The following OR2L13 variants were observed in gnomAD, a reference collection of about 807,000 sequenced individuals.
OR2L13 encodes the protein olfactory receptor family 2 subfamily L member 13.
In OR2L13, 14 loss-of-function variants were observed where a neutral mutation model predicts 15.3. That is an observed-to-expected ratio of 0.91 (90% confidence interval 0.60 to 1.43). The LOEUF is 1.43. Ranked by LOEUF, OR2L13 falls within the 40% of genes most tolerant of loss-of-function variation. OR2L13 has a pLI of 0.00. For synonymous variants in OR2L13, 152 were observed against 142.9 expected (o/e 1.06, Z -0.45); for missense variants, 367 against 387.9 (o/e 0.95, Z 0.45).
chr1:247,978,283 C>T, the OR2L13 span, among the ~76,000 whole-genome samples: 1 of 152,152 alleles, frequency 6.6e-6, no homozygotes, highest in Non-Finnish European at 1.5e-5. Context: ...TTCTCTGCTG[C>T]AACTCCCACT....
the OR2L13 span, among the ~76,000 whole-genome samples, chr1:247,988,679 C>G: frequency 6.6e-6 from 1 of 152,002 alleles, no homozygotes; most frequent in African/African-American, 2.4e-5. Context: ...AGCCTAAAGA[C>G]TTCAGTCCTT....
At chr1:248,099,485 C>G in exon 3 of OR2L13, 1 of 1,613,706 alleles carries the variant, frequency 6.2e-7, no homozygotes, top group Non-Finnish European at 8.5e-7. Flanking sequence ...TTCTTTCTGG[C>G]CTCGGTGGGT....
chr1:248,081,553 G>C, the OR2L13 span, among the ~76,000 whole-genome samples: 1 of 152,102 alleles, frequency 6.6e-6, no homozygotes. Context: ...TATGAGTAAT[G>C]AAATTTCCGC....
At chr1:248,021,208 A>G in the OR2L13 span, among the ~76,000 whole-genome samples, 1 of 152,154 alleles carries the variant, frequency 6.6e-6, no homozygotes, top group Admixed American at 6.5e-5. Flanking sequence ...TTTTTCCTAT[A>G]AATGTATATA....
chr1:248,001,209 A>G, the OR2L13 span, among the ~76,000 whole-genome samples: 225 of 152,238 alleles, frequency 1.5e-3, 1 homozygote, highest in Non-Finnish European at 2.6e-3. Flanking sequence ...GGCGATACCA[A>G]TCTGAAGAGT....
chr1:248,100,366 C>A, exon 3 of OR2L13: 2 of 1,056,764 alleles, frequency 1.9e-6, no homozygotes, highest in Non-Finnish European at 2.8e-6. Context: ...TTGATTCCAA[C>A]ACGCTAGAGC....
chr1:247,990,524 A>G, the OR2L13 span: 5 of 1,574,910 alleles, frequency 3.2e-6, no homozygotes, highest in East Asian at 2.2e-5. Context: ...ATTTTTCTGT[A>G]TGGAAACAAG....
chr1:247,948,008 G>T, the OR2L13 span, among the ~76,000 whole-genome samples: 2 of 152,168 alleles, frequency 1.3e-5, no homozygotes, highest in Admixed American at 6.5e-5. Flanking sequence ...TGAGGCCGAG[G>T]GTTCAAAACC....
At chr1:247,960,529 C>T in the OR2L13 span, among the ~76,000 whole-genome samples, 2 of 152,280 alleles carry the variant, frequency 1.3e-5, no homozygotes, top group Admixed American at 1.3e-4. Flanking sequence ...GTATGCCCTG[C>T]CCCCAGAGGT....
the OR2L13 span, among the ~76,000 whole-genome samples, chr1:247,972,120 G>A: frequency 6.6e-6 from 1 of 152,186 alleles, no homozygotes; most frequent in Non-Finnish European, 1.5e-5. Flanking sequence ...AGCTAAAGCG[G>A]TGTTTAGAGG....
chr1:248,003,922 G>A, the OR2L13 span: 4 of 1,613,076 alleles, frequency 2.5e-6, no homozygotes, highest in African/African-American at 4.0e-5. Flanking sequence ...CAAGATCCCT[G>A]TAATCTCCAA....
At chr1:248,047,984 T>C in the OR2L13 span, among the ~76,000 whole-genome samples, 1 of 152,220 alleles carries the variant, frequency 6.6e-6, no homozygotes, top group Admixed American at 6.5e-5. Context: ...CTTACATTTT[T>C]AGTAATTGTA....
chr1:248,018,966 G>A, the OR2L13 span, among the ~76,000 whole-genome samples: 6 of 152,088 alleles, frequency 3.9e-5, no homozygotes, highest in Admixed American at 1.3e-4. Context: ...GTTGTAGCAT[G>A]TGTCACAATT....
the OR2L13 span, chr1:247,975,225 C>A: frequency 2.5e-6 from 1 of 403,472 alleles, no homozygotes; most frequent in South Asian, 2.1e-5. Flanking sequence ...TTCATATATG[C>A]CCCATATCCC....
At chr1:248,032,811 G>A in the OR2L13 span, among the ~76,000 whole-genome samples, 8 of 152,058 alleles carry the variant, frequency 5.3e-5, no homozygotes, top group East Asian at 1.3e-3. Flanking sequence ...TGCTGTGAAC[G>A]TGGGCATATA....
the OR2L13 span, chr1:248,023,550 T>A: frequency 1.3e-5 from 2 of 152,212 alleles, no homozygotes; most frequent in Non-Finnish European, 2.9e-5. Context: ...GTTTGTCTCC[T>A]GAGTAGCCAC....
exon 3 of OR2L13, chr1:248,099,501 G>A (rs1313862967): frequency 1.1e-5 from 17 of 1,613,540 alleles, no homozygotes; most frequent in Non-Finnish European, 1.4e-5. Flanking sequence ...TGGGTAACTC[G>A]GCCATGATTC....
At chr1:248,052,233 G>C in the OR2L13 span, among the ~76,000 whole-genome samples, 1 of 152,034 alleles carries the variant, frequency 6.6e-6, no homozygotes, top group Non-Finnish European at 1.5e-5. Flanking sequence ...TCAATATCTT[G>C]AATGTAAATA....
the OR2L13 span, among the ~76,000 whole-genome samples, chr1:248,060,001 T>A: frequency 6.6e-6 from 1 of 151,560 alleles, no homozygotes; most frequent in African/African-American, 2.4e-5. Context: ...ATATTGCCAC[T>A]TCACTCCCAC....
Sources: allele counts gnomAD v4.1 joint callset (sites outside exome capture counted in the v4.1 genomes callset), GRCh38; gene constraint gnomAD v4.1.1; transcripts MANE v1.5; gene names NCBI Gene and HGNC (gene_info 2026-07-23, HGNC 2026-07-21).